IFNGR1: variants seen among roughly 807,000 people sequenced by gnomAD.
The protein encoded by IFNGR1 is interferon gamma receptor 1.
In IFNGR1, 23 loss-of-function variants were observed where a neutral mutation model predicts 35.4. That is an observed-to-expected ratio of 0.65 (90% CI 0.47 to 0.92). The LOEUF is 0.92. IFNGR1 is among the 40% of genes least tolerant of loss of function. The probability of loss-of-function intolerance (pLI) is 0.00; values close to 1 mark genes in which losing one functional copy is unlikely to be tolerated. For synonymous variants in IFNGR1, 199 were observed against 209.5 expected, an observed-to-expected ratio of 0.95 and a Z score of 0.43; for missense variants, 533 against 583.4, an observed-to-expected ratio of 0.91 and a Z score of 0.89.
At chr6:137,212,056 C>T (rs139563501) in intron 1 of IFNGR1, among the ~76,000 whole-genome samples, 159 of 152,220 alleles carry the variant, frequency 1.0e-3, no homozygotes, top group African/African-American at 3.5e-3. Flanking sequence ...TCACCTGTTA[C>T]TATAAGACGC....
rs5880339 is a variant in IFNGR1 at position 137,201,689 on chromosome 6, C to CAA, written c.734-683_734-682dup. Among the ~76,000 whole-genome samples the CAA allele has an allele frequency of 6.9e-3, 999 of 144,052 alleles. 9 individuals carry two copies. The highest frequency in any genetic ancestry group is 0.01 in the Non-Finnish European group (675 of 65,466). The allele number at this position is 144,052 out of a possible 152,430, so 94.5% of individuals were successfully genotyped here. A position where few individuals can be genotyped will look rare whatever the true frequency, so the allele number is the denominator to read the frequency against. On this transcript the variant is annotated intron_variant, in intron 5 of 6. Coordinates refer to ENST00000367739, the MANE Select transcript of IFNGR1 (RefSeq NM_000416.3). The stretch of plus-strand genomic sequence containing the variant: ...TCCATTTCAAAACAAAACAAAACAA[C>CAA]AAAAAAAAAAAGAAAGAAATTCTGG...
Position 137,203,613 on chromosome 6 carries a change from A to T in IFNGR1, c.619T>A (p.Ser207Thr), listed in dbSNP as rs769808063. The T allele has an allele frequency of 6.2e-7, 1 of 1,610,874 alleles. No homozygotes were observed. The highest frequency in any genetic ancestry group is 1.7e-5 in the Admixed American group (1 of 60,014). ...EIQCQLAIPVSSLNSQYCVSA... is the reference protein window; with the variant it reads ...EIQCQLAIPVTSLNSQYCVSA... The stretch of plus-strand genomic sequence containing the variant: ...ACACAGTACTGAGAATTCAGTGAGG[A>T]TACTGGAATCGCTAACTGGCACTGA... Residue 207 changes from serine to threonine, a missense_variant, in exon 5 of 7, where the codon TCC becomes ACC. Coordinates refer to ENST00000367739, the MANE Select transcript of IFNGR1 (RefSeq NM_000416.3).
At chr6:137,214,946 A>G (rs1466580546) in intron 1 of IFNGR1, among the ~76,000 whole-genome samples, 1 of 152,198 alleles carries the variant, frequency 6.6e-6, no homozygotes, top group Non-Finnish European at 1.5e-5. Context: ...AGCCAACACA[A>G]TTTCTCACAT....
chr6:137,206,320 A>T lies in IFNGR1; in HGVS notation c.201-12T>A, dbSNP rs1436430107. On this transcript the variant is annotated splice_polypyrimidine_tract_variant and intron_variant, in intron 2 of 6. Transcript: ENST00000367739. Reference sequence around the variant, plus strand: ...CTGAATTCTTAACACTAAAAAGAATAAAAAAATGCGAAGATAACTTTTATT... The same window carrying T: ...CTGAATTCTTAACACTAAAAAGAATTAAAAAATGCGAAGATAACTTTTATT... 2 of 1,571,440 alleles carry T rather than the reference A, an allele frequency of 1.3e-6. No homozygotes were observed. Among genetic ancestry groups the T allele is most frequent in the East Asian group, 2.2e-5 (1 of 44,668 alleles).
chr6:137,207,036 T>A lies in IFNGR1; in HGVS notation c.127A>T (p.Asn43Tyr), dbSNP rs1404651605. 2 of 1,613,906 alleles carry A rather than the reference T, an allele frequency of 1.2e-6. No individual in the cohort carries two copies. Among genetic ancestry groups the A allele is most frequent in the Non-Finnish European group, 1.7e-6 (2 of 1,179,924 alleles). Residue 43 changes from asparagine (N) to tyrosine (Y), a missense_variant, in exon 2 of 7, where the codon AAC becomes TAC. By Grantham distance (143) the Asn-to-Tyr change is moderately radical. Coordinates refer to ENST00000367739, the MANE Select transcript of IFNGR1 (RefSeq NM_000416.3). ...TGGTACTCCCAATATACGATAGGGT[T>A]CATGTTATAGGATTCAATTGTAACA... is the stretch of plus-strand genomic sequence containing the variant. Reference protein sequence around the residue: ...TNVTIESYNMNPIVYWEYQIM... With the variant: ...TNVTIESYNMYPIVYWEYQIM...
At chr6:137,218,101 A>G (rs1337266170) in intron 1 of IFNGR1, among the ~76,000 whole-genome samples, 1 of 152,202 alleles carries the variant, frequency 6.6e-6, no homozygotes, top group Non-Finnish European at 1.5e-5. Context: ...TGGACTCTGG[A>G]GCCAAATTGA....
Position 137,197,991 on chromosome 6 carries a change from A to T in IFNGR1, c.*40T>A, listed in dbSNP as rs1779130161. The T allele has an allele frequency of 6.2e-6, 10 of 1,613,178 alleles. No homozygotes were observed. The highest frequency in any genetic ancestry group is 8.5e-6 in the Non-Finnish European group (10 of 1,179,616). On this transcript the variant is annotated 3_prime_UTR_variant, in exon 7 of 7. Transcript: ENST00000367739. ...ATGAAATTAAAGCAGAAAACTGTCC[A>T]GGAAAATCAGACTTCAAAGTTGGTG...
At position 137,208,437 on chromosome 6, in the gene IFNGR1, C is replaced by T. The variant is rs527270280; in HGVS notation, c.86-1360G>A. Among the ~76,000 whole-genome samples, 16 of 152,316 alleles carry T rather than the reference C, an allele frequency of 1.1e-4. No homozygotes were observed. In the South Asian group the frequency reaches 1.9e-3, roughly 18 times the overall value. On this transcript the variant is annotated intron_variant, in intron 1 of 6. Transcript: ENST00000367739. ...ACGCCAGCGCTTCCCATCACAGGCC[C>T]GGAGGCCTAGGAGGAAAAAGTGGTT...
intron 1 of IFNGR1, among the ~76,000 whole-genome samples, chr6:137,211,117 T>C (rs999710482): frequency 1.4e-4 from 22 of 151,992 alleles, no homozygotes; most frequent in African/African-American, 5.1e-4. Flanking sequence ...AGAAGAAGTG[T>C]GTGGGGGAGG....
chr6:137,198,061 T>C lies in IFNGR1; in HGVS notation c.1440A>G (p.Arg480=). 3 of 1,614,120 alleles carry C rather than the reference T, an allele frequency of 1.9e-6. No homozygotes were observed. In the East Asian group the frequency reaches 6.7e-5, roughly 36 times the overall value. Residue 480 remains arginine (R), a synonymous_variant, in exon 7 of 7, where the codon AGA becomes AGG. Coordinates refer to ENST00000367739, the MANE Select transcript of IFNGR1 (RefSeq NM_000416.3). ...DSGKESLIGY[R]PTEDSKEFS ...AAAATTCTTTGGAATCTTCTGTTGG[T>C]CTATAACCAATCAAGGACTCTTTAC...
At chr6:137,214,169 A>G (rs1446071305) in intron 1 of IFNGR1, among the ~76,000 whole-genome samples, 1 of 152,214 alleles carries the variant, frequency 6.6e-6, no homozygotes, top group East Asian at 1.9e-4. Context: ...CACCTTCCCC[A>G]TGTTAAAGAT....
chr6:137,206,002 C>T, intron 3 of IFNGR1, 134 bp downstream of exon 3: 2 of 769,594 alleles, frequency 2.6e-6, no homozygotes, highest in Admixed American at 2.2e-5. Context: ...TCAACCTGTA[C>T]TGACTCTAAA....
At chr6:137,201,100 C>T (rs1190518041) in intron 5 of IFNGR1, 92 bp from the exon 6 acceptor site, 17 of 1,345,936 alleles carry the variant, frequency 1.3e-5, no homozygotes, top group Non-Finnish European at 1.4e-5. Flanking sequence ...AATAGATTTA[C>T]AAATTAGTGA....
intron 2 of IFNGR1, chr6:137,206,553 A>C: frequency 2.3e-6 from 1 of 440,428 alleles, no homozygotes; most frequent in Non-Finnish European, 4.0e-6. Context: ...TTCCACATTC[A>C]ATTTTTTAAA....
At chr6:137,206,329 C>T (rs755669796) in intron 2 of IFNGR1, 21 bp from the exon 3 acceptor site, 59 of 1,560,364 alleles carry the variant, frequency 3.8e-5, no homozygotes, top group South Asian at 2.7e-4. Flanking sequence ...TAAAAAAATG[C>T]GAAGATAACT....
At chr6:137,216,364 A>G (rs1436065128) in intron 1 of IFNGR1, among the ~76,000 whole-genome samples, 1 of 152,190 alleles carries the variant, frequency 6.6e-6, no homozygotes, top group African/African-American at 2.4e-5. Context: ...TGATTCACTT[A>G]AAAATATATA....
chr6:137,206,842 T>C (rs1355383067), intron 2 of IFNGR1, 121 bp downstream of exon 2: 1 of 739,944 alleles, frequency 1.4e-6, no homozygotes, highest in Non-Finnish European at 2.3e-6. Flanking sequence ...CTTTTGGACC[T>C]CTATAAGCAG....
intron 1 of IFNGR1, among the ~76,000 whole-genome samples, chr6:137,213,247 T>G (rs930984758): frequency 3.3e-5 from 5 of 152,238 alleles, no homozygotes; most frequent in African/African-American, 9.6e-5. Context: ...AGAAAAGATC[T>G]TACCAGAGTG....
chr6:137,219,159 G>A, intron 1 of IFNGR1, 84 bp downstream of exon 1: 1 of 1,520,656 alleles, frequency 6.6e-7, no homozygotes, highest in Non-Finnish European at 8.9e-7. Context: ...CCTCGGAGAA[G>A]CGGGGCGGGG....
Sources: gnomAD v4.1 joint callset for allele counts (sites outside exome capture counted in the v4.1 genomes callset) on GRCh38, gnomAD v4.1.1 for gene constraint, MANE v1.5 for transcripts, NCBI Gene and HGNC (gene_info 2026-07-23, HGNC 2026-07-21) for gene names.